LRRC56: variants seen among roughly 807,000 people sequenced by gnomAD.
LRRC56 encodes the protein leucine-rich repeat-containing protein 56.
Under a neutral mutation model 47.8 loss-of-function variants are expected in LRRC56, and 41 were observed. The observed-to-expected ratio is 0.86, with a 90% confidence interval of 0.67 to 1.11. LRRC56 has a LOEUF of 1.11. Among genes scored for constraint, LRRC56 ranks in the 50% most tolerant of loss-of-function variants. The pLI, the probability that LRRC56 is intolerant of heterozygous loss-of-function variation, is 0.00. For missense variants in LRRC56, 759 were observed against 704.2 expected (o/e 1.08, Z -0.88); for synonymous variants, 387 against 311.2 (o/e 1.24, Z -2.56).
At chr11:516,227 T>C in the LRRC56 span, among the ~76,000 whole-genome samples, 1 of 151,968 alleles carries the variant, frequency 6.6e-6, no homozygotes, top group Admixed American at 6.6e-5. Context: ...AACCCGTCTC[T>C]ACCAAAAATA....
upstream of LRRC56, chr11:532,580 G>A: frequency 6.3e-7 from 1 of 1,582,584 alleles, no homozygotes; most frequent in Non-Finnish European, 8.5e-7. Context: ...CAGGGGCGGG[G>A]AGCCGGGGTC....
intron 7 of LRRC56, 31 bp from the exon 8 acceptor site, chr11:550,041 G>A (rs568069632): frequency 1.6e-5 from 26 of 1,611,262 alleles, no homozygotes; most frequent in African/African-American, 4.0e-5. Context: ...GGGCTGGGCC[G>A]GGCCCTGGCT....
upstream of LRRC56, chr11:532,791 C>T (rs373603273): frequency 3.3e-5 from 53 of 1,602,900 alleles, no homozygotes; most frequent in Non-Finnish European, 4.3e-5. Context: ...AGGGACCGGC[C>T]TGTGGCCGCC....
chr11:553,264 C>T (rs1852521923), intron 13 of LRRC56, among the ~76,000 whole-genome samples: 1 of 152,254 alleles, frequency 6.6e-6, no homozygotes, highest in Non-Finnish European at 1.5e-5. Flanking sequence ...GACCCTCCCT[C>T]AGCGGGCAGG....
At chr11:544,361 T>A (rs573351883) in intron 5 of LRRC56, among the ~76,000 whole-genome samples, 1 of 152,294 alleles carries the variant, frequency 6.6e-6, no homozygotes, top group Non-Finnish European at 1.5e-5. Flanking sequence ...CCTCCTGCAG[T>A]CCATAGACAA....
Position 540,869 on chromosome 11 carries a change from T to C in LRRC56, c.177+8T>C. ...CTGTCCCCTGCCCGGCTGGTGAGTG[T>C]GGGCGCTGGGGGCTGTGGCCACAGA... On this transcript the variant is annotated splice_region_variant and intron_variant, in intron 4 of 13. Coordinates refer to ENST00000270115, the MANE Select transcript of LRRC56 (RefSeq NM_198075.4). 6.5e-7 allele frequency: 1 copy of C among 1,540,896 alleles called. No individual in the cohort carries two copies. Among genetic ancestry groups the C allele is most frequent in the South Asian group, 1.2e-5 (1 of 83,574 alleles).
At chr11:535,467 C>CGGGGCGGGGGCG (rs1554885658), upstream of LRRC56, 2 of 147,078 alleles carry the variant, frequency 1.4e-5, no homozygotes, top group Non-Finnish European at 3.0e-5. Flanking sequence ...GAGGCCGGGG[C>CGGGGCGGGGGCG]GGGGCGGGGG....
Position 551,954 on chromosome 11 carries a change from G to A in LRRC56, c.1025G>A (p.Arg342Lys). ...CCCACCAAGGGCCTGCGGGAGCGTA[G>A]GCACCAGTGCCAGGTACAGCCCACA... Reference protein sequence around the residue: ...GNPTKGLRERRHQCQAREPPE... With the variant: ...GNPTKGLRERKHQCQAREPPE... The change falls in exon 11 of 14, where the codon AGG becomes AAG. Residue 342 changes from arginine (R) to lysine (K), a missense_variant. Arg to Lys is a conservative substitution (Grantham distance 26). Transcript: ENST00000270115. The A allele has an allele frequency of 6.2e-7, 1 of 1,612,684 alleles. No individual in the cohort carries two copies. The highest frequency in any genetic ancestry group is 1.3e-5 in the African/African-American group (1 of 75,048).
At chr11:535,778 C>G (rs1851462996), upstream of LRRC56, among the ~76,000 whole-genome samples, 1 of 152,090 alleles carries the variant, frequency 6.6e-6, no homozygotes, top group South Asian at 2.1e-4. Context: ...GAGACCGGAG[C>G]CGAGCTCGGG....
chr11:553,707 C>T (rs894765942), intron 13 of LRRC56, among the ~76,000 whole-genome samples: 1 of 152,214 alleles, frequency 6.6e-6, no homozygotes, highest in Non-Finnish European at 1.5e-5. Flanking sequence ...TTCTCAGGGA[C>T]AGGACACAGA....
intron 5 of LRRC56, among the ~76,000 whole-genome samples, chr11:543,111 T>C (rs2396544): frequency 0.11 from 16,462 of 151,324 alleles, 965 homozygotes; most frequent in South Asian, 0.19. Context: ...AGGCTGGTCT[T>C]GAACTCCTGA....
At chr11:514,788 G>A in the LRRC56 span, among the ~76,000 whole-genome samples, 5 of 152,238 alleles carry the variant, frequency 3.3e-5, no homozygotes, top group East Asian at 5.8e-4. Flanking sequence ...AAATCCCTCC[G>A]ACTGGCTTTA....
At chr11:507,871 G>A in the LRRC56 span, among the ~76,000 whole-genome samples, 2 of 152,232 alleles carry the variant, frequency 1.3e-5, no homozygotes, top group African/African-American at 4.8e-5. Context: ...CTGCGGAGCC[G>A]CGGCCTCGTC....
the LRRC56 span, among the ~76,000 whole-genome samples, chr11:512,033 T>C: frequency 6.6e-6 from 1 of 151,914 alleles, no homozygotes; most frequent in Non-Finnish European, 1.5e-5. Context: ...AACCTCCGCC[T>C]CCTGGCCTCA....
intron 6 of LRRC56, among the ~76,000 whole-genome samples, chr11:548,869 C>G (rs1178506694): frequency 6.6e-6 from 1 of 152,210 alleles, no homozygotes; most frequent in Non-Finnish European, 1.5e-5. Context: ...AACTGAGAGT[C>G]TGACACCCAG....
At chr11:508,749 A>C in the LRRC56 span, among the ~76,000 whole-genome samples, 1 of 151,274 alleles carries the variant, frequency 6.6e-6, no homozygotes, top group Non-Finnish European at 1.5e-5. Flanking sequence ...TTCGGGCAAC[A>C]AGATGAAACT....
the LRRC56 span, among the ~76,000 whole-genome samples, chr11:519,275 G>GCCT: frequency 4.4e-4 from 62 of 142,324 alleles, no homozygotes; most frequent in Admixed American, 7.9e-4. Flanking sequence ...TTAGAACGCG[G>GCCT]GCTGATACAC....
chr11:525,367 A>G, the LRRC56 span, among the ~76,000 whole-genome samples: 927 of 151,866 alleles, frequency 6.1e-3, 7 homozygotes, highest in South Asian at 0.028. Flanking sequence ...GTGAAGCCCC[A>G]TCTCTACTAA....
chr11:546,594 G>C (rs918260318), intron 6 of LRRC56, among the ~76,000 whole-genome samples: 3 of 151,998 alleles, frequency 2.0e-5, no homozygotes, highest in Admixed American at 2.0e-4. Context: ...ATGAAGATCT[G>C]GAAATGGAAG....
Sources: gnomAD v4.1 joint callset for allele counts (sites outside exome capture counted in the v4.1 genomes callset) on GRCh38, gnomAD v4.1.1 for gene constraint, MANE v1.5 for transcripts, NCBI Gene and HGNC (gene_info 2026-07-23, HGNC 2026-07-21) for gene names.